NAV1: variants seen among roughly 807,000 people sequenced by gnomAD.
NAV1 encodes neuron navigator 1.
Under a neutral mutation model 175.2 loss-of-function variants are expected in NAV1, and 18 were observed. The observed-to-expected ratio is 0.10, with a 90% CI of 0.07 to 0.15. NAV1 has a LOEUF of 0.15. Ranked by LOEUF, NAV1 falls within the 10% of genes least tolerant of loss-of-function variation. The pLI is 1.00. For missense variants in NAV1, 1,731 were observed against 2,436.6 expected (o/e 0.71, Z 6.10); for synonymous variants, 897 against 978.7 (o/e 0.92, Z 1.56).
chr1:201,681,538 C>G (rs1357895187), intron 1 of NAV1, among the ~76,000 whole-genome samples: 1 of 152,226 alleles, frequency 6.6e-6, no homozygotes, highest in Non-Finnish European at 1.5e-5. Flanking sequence ...ACATTGCTTC[C>G]TGTTCGGTCC....
chr1:201,726,806 T>C, intron 3 of NAV1, among the ~76,000 whole-genome samples: 1 of 152,182 alleles, frequency 6.6e-6, no homozygotes, highest in Non-Finnish European at 1.5e-5. Context: ...GGCTTTGACT[T>C]AGGTTTCAAG....
intron 11 of NAV1, 146 bp from the exon 16 acceptor site, chr1:201,790,408 C>A: frequency 2.4e-6 from 2 of 849,960 alleles, no homozygotes; most frequent in Non-Finnish European, 3.8e-6. Context: ...GGAGCCAGGG[C>A]CAGGAAACAA....
At position 201,733,493 on chromosome 1, in the gene NAV1, C is replaced by T. The variant is rs192212056; in HGVS notation, c.1226+14738C>T. On this transcript the variant is annotated intron_variant, in intron 3 of 29. Coordinates refer to ENST00000367296, the Ensembl canonical transcript of NAV1. ...AGGATGACACCCAAATCTGTGAAGC[C>T]TTCTATATTTAAAATATATATATTA... 3.1e-4 allele frequency: 47 copies of T among 152,020 alleles called. 1 individual carries two copies. Among genetic ancestry groups the T allele is most frequent in the African/African-American group, 1.1e-3 (47 of 41,454 alleles). 9.4% of individuals were successfully genotyped at this position (152,020 alleles called of 1,614,324 possible).
chr1:201,712,881 G>A, exon 2 of NAV1: 1 of 1,614,050 alleles, frequency 6.2e-7, no homozygotes, highest in South Asian at 1.1e-5. Flanking sequence ...ACCTGGAAGA[G>A]ACCATGTCCA....
chr1:201,788,771 G>T lies in NAV1; in HGVS notation c.3166+133G>T. ...CAGAACATCAAGTTGGGCCATTTCA[G>T]TTTTTTCTCCCCATCCCTTTGAAGG... On this transcript the variant is annotated intron_variant, in intron 10 of 29. Coordinates refer to ENST00000367296, the Ensembl canonical transcript of NAV1. The surrounding 1 kb of genome is among the most constrained non-coding windows in gnomAD (Gnocchi z 5.7). The T allele has an allele frequency of 1.8e-6, 2 of 1,132,916 alleles. No individual in the cohort carries two copies. Among genetic ancestry groups the T allele is most frequent in the Non-Finnish European group, 2.5e-6 (2 of 813,432 alleles). The allele number at this position is 1,132,916 out of a possible 1,614,324, so 70.2% of individuals were successfully genotyped here.
intron 2 of NAV1, among the ~76,000 whole-genome samples, chr1:201,617,875 A>G (rs1364410176): frequency 6.6e-6 from 1 of 152,228 alleles, no homozygotes; most frequent in Non-Finnish European, 1.5e-5. Context: ...GCTCAGACAG[A>G]ATATGAGGCA....
exon 30 of NAV1, chr1:201,824,235 C>G (rs1246891637): frequency 6.6e-6 from 1 of 152,086 alleles, no homozygotes; most frequent in Admixed American, 6.5e-5. Context: ...CTTCATAAGC[C>G]AACCCCTGTG....
chr1:201,792,429 T>G (rs951849432), intron 13 of NAV1: 1 of 152,058 alleles, frequency 6.6e-6, no homozygotes, highest in Non-Finnish European at 1.5e-5. Flanking sequence ...GGTACCCTAG[T>G]CTGGGGTTGG....
chr1:201,824,187 A>T (rs540803471), exon 30 of NAV1: 6 of 152,264 alleles, frequency 3.9e-5, no homozygotes, highest in Admixed American at 3.9e-4. Context: ...TGCTTTCCTT[A>T]TTCCTTGGCA....
intron 3 of NAV1, among the ~76,000 whole-genome samples, chr1:201,759,432 G>A (rs926577624): frequency 6.6e-6 from 1 of 152,312 alleles, no homozygotes; most frequent in African/African-American, 2.4e-5. Context: ...ATCTAATGTC[G>A]AAAAGTATGA....
chr1:201,711,430 A>G (rs941857226), intron 1 of NAV1, among the ~76,000 whole-genome samples: 23 of 143,196 alleles, frequency 1.6e-4, no homozygotes, highest in Non-Finnish European at 3.2e-4. Context: ...GCTGCCTGCC[A>G]GCCGGCCTGA....
intron 1 of NAV1, among the ~76,000 whole-genome samples, chr1:201,564,716 T>C (rs1295173695): frequency 6.6e-6 from 1 of 152,234 alleles, no homozygotes; most frequent in Non-Finnish European, 1.5e-5. Flanking sequence ...ATCTTACAGT[T>C]CTGTACAGCA....
At chr1:201,549,740 G>C (rs1261719860) in intron 1 of NAV1, among the ~76,000 whole-genome samples, 1 of 149,600 alleles carries the variant, frequency 6.7e-6, no homozygotes, top group Non-Finnish European at 1.5e-5. Flanking sequence ...GCCTGGCTCA[G>C]TGGCTCACAC....
chr1:201,562,535 A>G (rs1751342), intron 1 of NAV1, among the ~76,000 whole-genome samples: 17,432 of 152,176 alleles, frequency 0.11, 1,308 homozygotes, highest in African/African-American at 0.21. Flanking sequence ...GGACAGGGTT[A>G]GTGGGCCAGG....
intron 3 of NAV1, among the ~76,000 whole-genome samples, chr1:201,764,354 G>C (rs972900732): frequency 6.6e-6 from 1 of 152,182 alleles, no homozygotes; most frequent in Non-Finnish European, 1.5e-5. Context: ...GTGCCATCTG[G>C]GTTGGTTTCT....
chr1:201,783,283 G>GC (rs1438420987), intron 6 of NAV1, 123 bp from the exon 11 acceptor site: 2 of 1,003,906 alleles, frequency 2.0e-6, no homozygotes, highest in East Asian at 4.8e-5. Flanking sequence ...AACAGCATTA[G>GC]GATAAGCCTC....
intron 17 of NAV1, among the ~76,000 whole-genome samples, chr1:201,806,468 C>T (rs1041131653): frequency 9.2e-5 from 14 of 152,168 alleles, no homozygotes; most frequent in Admixed American, 7.9e-4. Context: ...CACATATTCT[C>T]ACTTAGGATC....
At chr1:201,554,565 A>G (rs1262262272) in intron 1 of NAV1, among the ~76,000 whole-genome samples, 1 of 152,192 alleles carries the variant, frequency 6.6e-6, no homozygotes, top group Non-Finnish European at 1.5e-5. Flanking sequence ...GAGACTTTTT[A>G]CAAAGGAAAA....
chr1:201,568,760 C>T (rs764040365), intron 1 of NAV1, among the ~76,000 whole-genome samples: 13 of 152,168 alleles, frequency 8.5e-5, no homozygotes, highest in East Asian at 3.8e-4. Flanking sequence ...AGTATGTGCT[C>T]GGGAAAGAGG....
Sources: allele counts gnomAD v4.1 joint callset (sites outside exome capture counted in the v4.1 genomes callset), GRCh38; gene constraint gnomAD v4.1.1; non-coding constraint Gnocchi (gnomAD v3.1); transcripts MANE v1.5; gene names NCBI Gene and HGNC (gene_info 2026-07-23, HGNC 2026-07-21).